Variants in CHKA observed in about 807,000 individuals in gnomAD.
CHKA encodes the protein CHETK-alpha.
In CHKA, 34 loss-of-function variants were observed where a neutral mutation model predicts 60.1. That is an observed-to-expected ratio of 0.57 (90% CI 0.43 to 0.75). The LOEUF (loss-of-function observed/expected upper bound fraction) is 0.75. Among genes scored for constraint, CHKA ranks in the 30% least tolerant of loss-of-function variants. The probability of loss-of-function intolerance (pLI) is 0.00; values close to 1 mark genes in which losing one functional copy is unlikely to be tolerated. For missense variants in CHKA, 563 were observed against 561.3 expected (o/e 1.00, Z -0.03); for synonymous variants, 217 against 223.1 (o/e 0.97, Z 0.24).
Position 68,053,889 on chromosome 11 carries a change from C to G in CHKA, c.*99G>C, listed in dbSNP as rs1434586825. On this transcript the variant is annotated 3_prime_UTR_variant, in exon 12 of 12. Coordinates refer to ENST00000265689, the MANE Select transcript of CHKA (RefSeq NM_001277.3). ...GTGTTCAGTAGTGAGCCACCCAAAG[C>G]CTCCTGCCACAGGAGCAGTAGTCGA... The G allele has an allele frequency of 1.4e-5, 13 of 949,058 alleles. No individual in the cohort carries two copies. The East Asian group carries it at 3.3e-4, about 24-fold the overall frequency. The allele number at this position is 949,058 out of a possible 1,614,324, so 58.8% of individuals were successfully genotyped here.
chr11:68,111,777 G>C (rs554146042), intron 1 of CHKA, among the ~76,000 whole-genome samples: 5 of 151,808 alleles, frequency 3.3e-5, no homozygotes, highest in Admixed American at 1.3e-4. Context: ...GAACATGCCC[G>C]GAGCGGTAGC....
chr11:68,120,948 G>C lies in CHKA; in HGVS notation c.230C>G (p.Pro77Arg), dbSNP rs780076644. The C allele has an allele frequency of 8.5e-7, 1 of 1,175,866 alleles. No individual in the cohort carries two copies. Among genetic ancestry groups the C allele is most frequent in the Admixed American group, 3.6e-5 (1 of 27,674 alleles). 72.8% of individuals were successfully genotyped at this position (1,175,866 alleles called of 1,614,324 possible). Reference sequence around the variant, plus strand: ...GGGCTCCGGCTGCTCGTCTGCGGGCGGCTGCGGCGGCGGGGGCTGGGGCAG... The same window carrying C: ...GGGCTCCGGCTGCTCGTCTGCGGGCCGCTGCGGCGGCGGGGGCTGGGGCAG... The part of the protein sequence containing the change: ...LPLPQPPPPQ[P>R]PADEQPEPRT... The change falls in exon 1 of 12, where the codon CCG (proline) becomes CGG (arginine). Residue 77 changes from proline (P) to arginine (R), a missense_variant. Pro to Arg is a moderately radical substitution (Grantham distance 103). Transcript: ENST00000265689.
intron 4 of CHKA, 128 bp downstream of exon 4, chr11:68,074,589 T>G: frequency 1.3e-6 from 1 of 764,962 alleles, no homozygotes; most frequent in South Asian, 1.5e-5. Flanking sequence ...TGATTTCTGA[T>G]ACAGTTTAAT....
intron 4 of CHKA, among the ~76,000 whole-genome samples, chr11:68,071,927 C>A (rs1341473684): frequency 6.6e-6 from 1 of 152,150 alleles, no homozygotes; most frequent in African/African-American, 2.4e-5. Flanking sequence ...CTATTCAACT[C>A]CCTCCAGAAA....
intron 1 of CHKA, among the ~76,000 whole-genome samples, chr11:68,116,147 T>C (rs1858375353): frequency 6.6e-6 from 1 of 152,204 alleles, no homozygotes. Flanking sequence ...CTGTGGAACG[T>C]AATGTCAAAA....
chr11:68,088,542 G>C (rs1857258392), intron 2 of CHKA, among the ~76,000 whole-genome samples: 1 of 151,882 alleles, frequency 6.6e-6, no homozygotes, highest in Non-Finnish European at 1.5e-5. Context: ...AGGTGGGGCA[G>C]GAAAAAGCAT....
rs1168113997 is a variant in CHKA, at chr11:68,121,178, GC to G, written c.-2del. On this transcript the variant is annotated 5_prime_UTR_variant, in exon 1 of 12. Coordinates refer to ENST00000265689, the MANE Select transcript of CHKA (RefSeq NM_001277.3). ...CCCCGGTGCAGAATTTGGTTTTCAT[GC>G]CCGACAGGCGGCCGAGGAGGCGCGG... 8.4e-7 allele frequency: 1 copy of G among 1,186,974 alleles called. No individual in the cohort carries two copies. The highest frequency in any genetic ancestry group is 1.0e-6 in the Non-Finnish European group (1 of 952,570). 73.5% of individuals were successfully genotyped at this position (1,186,974 alleles called of 1,614,324 possible). A position where few individuals can be genotyped will look rare whatever the true frequency, so the allele number is the denominator to read the frequency against.
chr11:68,080,729 T>C (rs1856958642), intron 3 of CHKA, among the ~76,000 whole-genome samples: 1 of 152,262 alleles, frequency 6.6e-6, no homozygotes, highest in South Asian at 2.1e-4. Context: ...GACCCACGTA[T>C]GTTGGGCATG....
At chr11:68,117,822 CAAG>C (rs1858449170) in intron 1 of CHKA, among the ~76,000 whole-genome samples, 1 of 152,168 alleles carries the variant, frequency 6.6e-6, no homozygotes, top group Admixed American at 6.5e-5. Context: ...ACACAAAATG[CAAG>C]AAGATCCTAA....
intron 1 of CHKA, among the ~76,000 whole-genome samples, chr11:68,098,794 A>G (rs1389921549): frequency 6.6e-6 from 1 of 152,096 alleles, no homozygotes; most frequent in South Asian, 2.1e-4. Context: ...CCCAGGTTCA[A>G]GCGATTCTCC....
At chr11:68,078,602 C>T (rs989180720) in intron 3 of CHKA, among the ~76,000 whole-genome samples, 2 of 152,032 alleles carry the variant, frequency 1.3e-5, no homozygotes, top group Non-Finnish European at 2.9e-5. Context: ...TATTTAAAAC[C>T]CAGGAAGAAG....
chr11:68,097,109 C>G lies in CHKA; in HGVS notation c.372G>C (p.Leu124=), dbSNP rs1215756561. The G allele has an allele frequency of 5.0e-6, 8 of 1,613,526 alleles. No individual in the cohort carries two copies. The highest frequency in any genetic ancestry group is 6.8e-6 in the Non-Finnish European group (8 of 1,179,722). ...TGGTGTCAGGTAGGGAGCACTGGAA[C>G]AGCATGTTGCTAAGGCCGCCTCTGT... is the stretch of plus-strand genomic sequence containing the variant. The part of the protein sequence containing the change: ...SVIRGGLSNM[L]FQCSLPDTTA... Residue 124 remains leucine, a synonymous_variant, in exon 2 of 12, where the codon CTG becomes CTC. Coordinates refer to ENST00000265689, the MANE Select transcript of CHKA (RefSeq NM_001277.3).
intron 2 of CHKA, among the ~76,000 whole-genome samples, chr11:68,096,422 A>G (rs536294175): frequency 3.3e-5 from 5 of 152,028 alleles, no homozygotes; most frequent in Non-Finnish European, 5.9e-5. Flanking sequence ...AATTCATGAC[A>G]TTAATAATAA....
chr11:68,120,318 G>A (rs1000337509), intron 1 of CHKA, among the ~76,000 whole-genome samples: 1 of 152,004 alleles, frequency 6.6e-6, no homozygotes, highest in Non-Finnish European at 1.5e-5. Context: ...CACAGCTATA[G>A]TGATGTCTCT....
intron 5 of CHKA, 66 bp downstream of exon 5, chr11:68,070,658 A>C (rs1237245816): frequency 1.3e-6 from 2 of 1,544,768 alleles, no homozygotes; most frequent in East Asian, 4.5e-5. Context: ...ACAAATGCTC[A>C]CTTATGGTAC....
At chr11:68,077,122 C>T (rs1362892508) in intron 3 of CHKA, among the ~76,000 whole-genome samples, 1 of 152,140 alleles carries the variant, frequency 6.6e-6, no homozygotes, top group Non-Finnish European at 1.5e-5. Flanking sequence ...CACCTGTAAT[C>T]CCAGCTACTC....
At chr11:68,107,747 C>T (rs1159655541) in intron 1 of CHKA, among the ~76,000 whole-genome samples, 1 of 152,156 alleles carries the variant, frequency 6.6e-6, no homozygotes, top group African/African-American at 2.4e-5. Context: ...GTCCTTGGAA[C>T]ACAGCATGCC....
chr11:68,068,934 T>C lies in CHKA; in HGVS notation c.873A>G (p.Ser291=). 4 of 1,611,498 alleles carry C rather than the reference T, an allele frequency of 2.5e-6. No homozygotes were observed. The highest frequency in any genetic ancestry group is 1.3e-5 in the African/African-American group (1 of 74,956). ...CTGGAGATGGAGTAGATTCAAGCAA[T>C]GATCTGAAAAGAAAGGTTTCACTGT... is the stretch of plus-strand genomic sequence containing the variant. ...NLPLELENLR[S]LLESTPSPVV... is the part of the protein sequence containing the mutation. Residue 291 remains serine, a synonymous_variant, in exon 7 of 12, where the codon TCA becomes TCG. Coordinates refer to ENST00000265689, the MANE Select transcript of CHKA (RefSeq NM_001277.3).
chr11:68,068,354 A>G (rs1358106411), intron 7 of CHKA, among the ~76,000 whole-genome samples: 1 of 152,112 alleles, frequency 6.6e-6, no homozygotes, highest in Admixed American at 6.5e-5. Flanking sequence ...TATGTGACTT[A>G]GAAAGTTTAA....
Sources: allele counts gnomAD v4.1 joint callset (sites outside exome capture counted in the v4.1 genomes callset), GRCh38; gene constraint gnomAD v4.1.1; transcripts MANE v1.5; gene names NCBI Gene and HGNC (gene_info 2026-07-23, HGNC 2026-07-21).